The following PITPNC1 variants were observed in gnomAD, a reference collection of about 807,000 sequenced individuals.
PITPNC1 encodes phosphatidylinositol transfer protein cytoplasmic 1.
PITPNC1 carries 18 observed loss-of-function variants against 44.7 expected under a neutral mutation model. The observed-to-expected ratio is 0.40, with a 90% CI of 0.28 to 0.60. The LOEUF is 0.60. PITPNC1 is among the 20% of genes least tolerant of loss of function. The pLI, the probability that PITPNC1 is intolerant of heterozygous loss-of-function variation, is 0.39. For synonymous variants in PITPNC1, 141 were observed against 149.6 expected (o/e 0.94, Z 0.42); for missense variants, 290 against 418.4 (o/e 0.69, Z 2.68).
At chr17:67,583,008 T>G (rs1416137203) in intron 5 of PITPNC1, among the ~76,000 whole-genome samples, 1 of 152,242 alleles carries the variant, frequency 6.6e-6, no homozygotes, top group African/African-American at 2.4e-5. Flanking sequence ...TTCCCAGCCT[T>G]GGCTGCACAT....
At chr17:67,529,054 G>T (rs1027286432) in intron 1 of PITPNC1, among the ~76,000 whole-genome samples, 7 of 152,092 alleles carry the variant, frequency 4.6e-5, no homozygotes, top group African/African-American at 1.7e-4. Flanking sequence ...GCCACCCCCA[G>T]CGTCTGCAGG....
intron 1 of PITPNC1, among the ~76,000 whole-genome samples, chr17:67,381,144 AGTG>A: frequency 6.6e-6 from 1 of 151,944 alleles, no homozygotes; most frequent in South Asian, 2.1e-4. Flanking sequence ...TGGCTAACAC[AGTG>A]AAACCCCGTC....
chr17:67,581,554 C>T (rs922270308), intron 5 of PITPNC1, among the ~76,000 whole-genome samples: 1 of 152,156 alleles, frequency 6.6e-6, no homozygotes, highest in African/African-American at 2.4e-5. Context: ...CCAGTTGCCA[C>T]CCCCTGCCCC....
intron 6 of PITPNC1, among the ~76,000 whole-genome samples, chr17:67,661,016 G>T (rs760511348): frequency 1.4e-5 from 2 of 144,476 alleles, no homozygotes; most frequent in African/African-American, 5.2e-5. Flanking sequence ...CCGCCACCAC[G>T]CCCAGCTAAT....
intron 1 of PITPNC1, among the ~76,000 whole-genome samples, chr17:67,497,117 A>G (rs1741179153): frequency 6.6e-6 from 1 of 152,174 alleles, no homozygotes; most frequent in Non-Finnish European, 1.5e-5. Context: ...AGCCTGGGCA[A>G]CACAGTAAGA....
chr17:67,388,172 C>G (rs556258057), intron 1 of PITPNC1, among the ~76,000 whole-genome samples: 4 of 152,186 alleles, frequency 2.6e-5, no homozygotes, highest in South Asian at 2.1e-4. Context: ...ATTAGAGATT[C>G]TTTTGTATTT....
At chr17:67,631,345 T>C (rs185201492) in intron 5 of PITPNC1, among the ~76,000 whole-genome samples, 65 of 150,480 alleles carry the variant, frequency 4.3e-4, no homozygotes, top group African/African-American at 1.6e-3. Context: ...TATAAAAATA[T>C]ATGGCCGGGC....
intron 1 of PITPNC1, among the ~76,000 whole-genome samples, chr17:67,415,053 T>C (rs1418444250): frequency 6.6e-6 from 1 of 152,112 alleles, no homozygotes; most frequent in Non-Finnish European, 1.5e-5. Flanking sequence ...CTAATTTTTG[T>C]ATTTTTTGTG....
intron 1 of PITPNC1, among the ~76,000 whole-genome samples, chr17:67,395,099 A>G (rs1359553449): frequency 6.6e-6 from 1 of 152,150 alleles, no homozygotes; most frequent in Non-Finnish European, 1.5e-5. Flanking sequence ...CAACTAAAGT[A>G]GAAAAACATC....
intron 4 of PITPNC1, among the ~76,000 whole-genome samples, chr17:67,568,287 A>G (rs2934575): frequency 0.09 from 13,686 of 152,232 alleles, 1,222 homozygotes; most frequent in African/African-American, 0.23. Context: ...TAGGAAATGT[A>G]TAGAATAGAC....
At chr17:67,541,910 C>G (rs1392023936) in intron 2 of PITPNC1, among the ~76,000 whole-genome samples, 1 of 152,172 alleles carries the variant, frequency 6.6e-6, no homozygotes, top group Non-Finnish European at 1.5e-5. Flanking sequence ...GCACACAAAC[C>G]ATCTCAGAAT....
intron 5 of PITPNC1, among the ~76,000 whole-genome samples, chr17:67,627,723 A>G (rs2041912810): frequency 6.6e-6 from 1 of 152,154 alleles, no homozygotes; most frequent in Non-Finnish European, 1.5e-5. Context: ...GACCTGGTGA[A>G]GCCTACAGAC....
At chr17:67,674,481 G>A (rs2042567950) in intron 7 of PITPNC1, among the ~76,000 whole-genome samples, 1 of 148,152 alleles carries the variant, frequency 6.7e-6, no homozygotes, top group Admixed American at 6.9e-5. Flanking sequence ...TTCAGCCTGG[G>A]GGACAGAGCA....
At chr17:67,467,572 T>C (rs989680564) in intron 1 of PITPNC1, among the ~76,000 whole-genome samples, 2 of 152,200 alleles carry the variant, frequency 1.3e-5, no homozygotes, top group African/African-American at 4.8e-5. Flanking sequence ...CAGGTATTGC[T>C]TTCTAGCTAT....
rs1339523825 is a variant in PITPNC1 at position 67,696,984 on chromosome 17, A to G, written c.*4096A>G. 3.3e-5 allele frequency: 5 copies of G among 152,242 alleles called. No homozygotes were observed. The highest frequency in any genetic ancestry group is 9.6e-5 in the African/African-American group (4 of 41,468). 9.4% of individuals were successfully genotyped at this position (152,242 alleles called of 1,614,324 possible). ...TTGGTGTTGTACCTGTACCACTCAC[A>G]TGTAGCTCAAGTGTAATTTGTAGTG... On this transcript the variant is annotated 3_prime_UTR_variant, in exon 9 of 9. Transcript: ENST00000581322.
intron 1 of PITPNC1, among the ~76,000 whole-genome samples, chr17:67,485,870 A>T (rs1000929996): frequency 3.3e-5 from 5 of 152,228 alleles, no homozygotes; most frequent in Non-Finnish European, 7.3e-5. Flanking sequence ...TAAATGCATT[A>T]GATTAGTCTG....
At chr17:67,466,891 A>C (rs1206341899) in intron 1 of PITPNC1, among the ~76,000 whole-genome samples, 1 of 152,100 alleles carries the variant, frequency 6.6e-6, no homozygotes, top group Non-Finnish European at 1.5e-5. Flanking sequence ...CAAATCCAGC[A>C]AGCAATCTAG....
At chr17:67,425,191 G>GCACACACACA (rs1567984580) in intron 1 of PITPNC1, among the ~76,000 whole-genome samples, 1 of 38,640 alleles carries the variant, frequency 2.6e-5, no homozygotes, top group Admixed American at 2.4e-4. Context: ...TGTTGTGCGC[G>GCACACACACA]CGCACGCACA....
At chr17:67,446,124 T>G (rs749737496) in intron 1 of PITPNC1, among the ~76,000 whole-genome samples, 1 of 151,908 alleles carries the variant, frequency 6.6e-6, no homozygotes, top group African/African-American at 2.4e-5. Context: ...TTTTTGTATT[T>G]TTGGTACAGA....
Sources: gnomAD v4.1 joint callset for allele counts (sites outside exome capture counted in the v4.1 genomes callset) on GRCh38, gnomAD v4.1.1 for gene constraint, MANE v1.5 for transcripts, NCBI Gene and HGNC (gene_info 2026-07-23, HGNC 2026-07-21) for gene names.